The following CD99L2 variants were observed in gnomAD, a reference collection of about 807,000 sequenced individuals.
CD99L2 encodes CD99 molecule like 2.
In CD99L2, 24 loss-of-function variants were observed where a neutral mutation model predicts 27.3. The observed-to-expected ratio is 0.88, with a 90% CI of 0.64 to 1.24. The LOEUF (loss-of-function observed/expected upper bound fraction) is 1.24, where lower values mean the gene tolerates loss of function less well. Ranked by LOEUF, CD99L2 falls within the 50% of genes most tolerant of loss-of-function variation. CD99L2 has a pLI of 0.00. For missense variants in CD99L2, 255 were observed against 221.6 expected, an observed-to-expected ratio of 1.15 and a Z score of -0.96; for synonymous variants, 97 against 87.9, an observed-to-expected ratio of 1.10 and a Z score of -0.58.
intron 1 of CD99L2, among the ~76,000 whole-genome samples, chrX:150,839,369 G>T (rs782555547): frequency 1.3e-4 from 14 of 111,606 alleles, no homozygotes; most frequent in Non-Finnish European, 3.8e-5. Context: ...TAGGGAAATT[G>T]TAACAGCTAA....
At chrX:150,819,529 G>A (rs1369110069) in intron 2 of CD99L2, among the ~76,000 whole-genome samples, 3 of 110,877 alleles carry the variant, frequency 2.7e-5, no homozygotes, top group African/African-American at 6.6e-5. Context: ...AGATTATAGC[G>A]GAAATAAAAT....
chrX:150,879,750 T>TAA (rs60706288), intron 1 of CD99L2, among the ~76,000 whole-genome samples: 679 of 19,410 alleles, frequency 0.035, 93 homozygotes, highest in African/African-American at 0.088. Context: ...CTACAAAAAC[T>TAA]AAAAAAAAAA....
chrX:150,770,575 A>C (rs1372240908), intron 9 of CD99L2, among the ~76,000 whole-genome samples: 2 of 112,571 alleles, frequency 1.8e-5, no homozygotes, highest in Non-Finnish European at 3.8e-5. Flanking sequence ...AGGAGTTCTC[A>C]TCATCGTCCT....
intron 7 of CD99L2, among the ~76,000 whole-genome samples, chrX:150,778,729 A>G (rs2045459152): frequency 9.5e-6 from 1 of 105,264 alleles, no homozygotes; most frequent in African/African-American, 3.5e-5. Flanking sequence ...ATTCCTGGGG[A>G]AAAATGAGGT....
At chrX:150,784,737 G>C (rs782421408) in intron 7 of CD99L2, among the ~76,000 whole-genome samples, 2 of 112,872 alleles carry the variant, frequency 1.8e-5, no homozygotes, top group East Asian at 5.6e-4. Flanking sequence ...AGAGAGCAAA[G>C]CTGGGTGTTT....
At chrX:150,839,948 G>A (rs938463468) in intron 1 of CD99L2, among the ~76,000 whole-genome samples, 2 of 110,479 alleles carry the variant, frequency 1.8e-5, no homozygotes, top group African/African-American at 6.6e-5. Context: ...TAAGGTGGGA[G>A]GATCACTTGA....
chrX:150,823,126 A>T lies in CD99L2; in HGVS notation c.131-7048T>A, dbSNP rs782143867. Among the ~76,000 whole-genome samples the T allele has an allele frequency of 1.4e-4, 16 of 112,324 alleles. No individual in the cohort carries two copies. In the East Asian group the frequency reaches 4.2e-3, roughly 29 times the overall value. On this transcript the variant is annotated intron_variant, in intron 2 of 10. Transcript: ENST00000370377. ...TCCTGAGGCCTCCACAGCCATGCTG[A>T]ACTATGAGTCAATTAACTCTCTCCT...
intron 1 of CD99L2, among the ~76,000 whole-genome samples, chrX:150,892,484 T>C (rs1319061830): frequency 1.3e-4 from 14 of 105,251 alleles, no homozygotes; most frequent in African/African-American, 4.2e-4. Context: ...CAGGCACCTG[T>C]AGTCCCAGCT....
chrX:150,867,402 C>T (rs183122063), intron 1 of CD99L2, among the ~76,000 whole-genome samples: 15 of 111,397 alleles, frequency 1.3e-4, no homozygotes, highest in African/African-American at 4.9e-4. Flanking sequence ...CAGACTGAGA[C>T]CTTGTCTCAA....
intron 7 of CD99L2, among the ~76,000 whole-genome samples, chrX:150,792,694 C>A (rs1249377018): frequency 8.9e-6 from 1 of 111,817 alleles, no homozygotes; most frequent in African/African-American, 3.3e-5. Context: ...AGCAATTTGC[C>A]ATTGCAACAG....
chrX:150,891,729 C>A (rs1410443389), intron 1 of CD99L2, among the ~76,000 whole-genome samples: 2 of 111,557 alleles, frequency 1.8e-5, no homozygotes, highest in Admixed American at 9.6e-5. Flanking sequence ...CATGTGCCTA[C>A]ATGAAAGATT....
chrX:150,874,624 C>T (rs1311513958), intron 1 of CD99L2, among the ~76,000 whole-genome samples: 8 of 111,721 alleles, frequency 7.2e-5, no homozygotes, highest in Non-Finnish European at 1.5e-4. Context: ...AATGCCACAC[C>T]CAGGTTTGCA....
intron 7 of CD99L2, among the ~76,000 whole-genome samples, chrX:150,791,745 G>A (rs1407824905): frequency 9.0e-6 from 1 of 111,125 alleles, no homozygotes. Flanking sequence ...AAGGGCGGAG[G>A]AGGAGGGCTT....
intron 7 of CD99L2, among the ~76,000 whole-genome samples, chrX:150,792,457 C>A (rs1394692276): frequency 8.9e-6 from 1 of 111,945 alleles, no homozygotes; most frequent in Admixed American, 9.5e-5. Flanking sequence ...CATTTAGAGG[C>A]TTTTTGTGCT....
At chrX:150,810,101 T>C (rs2046051213) in intron 4 of CD99L2, among the ~76,000 whole-genome samples, 1 of 111,926 alleles carries the variant, frequency 8.9e-6, no homozygotes, top group African/African-American at 3.2e-5. Context: ...ATACAATAAC[T>C]ATCGAAATCG....
chrX:150,786,356 C>T (rs1198954931), intron 7 of CD99L2, among the ~76,000 whole-genome samples: 2 of 110,346 alleles, frequency 1.8e-5, no homozygotes, highest in Admixed American at 1.9e-4. Flanking sequence ...TTATTTTTCC[C>T]GATCCTTTCC....
At chrX:150,864,395 C>T (rs1367312927) in intron 1 of CD99L2, among the ~76,000 whole-genome samples, 1 of 112,616 alleles carries the variant, frequency 8.9e-6, no homozygotes, top group Admixed American at 9.4e-5. Context: ...TCACATCTAC[C>T]ATGAAGGCAA....
chrX:150,873,848 A>G (rs1458642332), intron 1 of CD99L2, among the ~76,000 whole-genome samples: 1 of 112,004 alleles, frequency 8.9e-6, no homozygotes, highest in South Asian at 3.7e-4. Context: ...CTACCCAAAC[A>G]TGAAACAGGA....
chrX:150,865,868 C>A (rs1346529319), intron 1 of CD99L2, among the ~76,000 whole-genome samples: 2 of 112,556 alleles, frequency 1.8e-5, no homozygotes, highest in African/African-American at 3.2e-5. Context: ...CACCTGTCAT[C>A]CCAACACTTT....
Sources: gnomAD v4.1 joint callset for allele counts (sites outside exome capture counted in the v4.1 genomes callset) on GRCh38, gnomAD v4.1.1 for gene constraint, MANE v1.5 for transcripts, NCBI Gene and HGNC (gene_info 2026-07-23, HGNC 2026-07-21) for gene names.